Variants in MYO16 observed in about 807,000 individuals in gnomAD.
MYO16 encodes unconventional myosin-XVI.
Under a neutral mutation model 205.3 loss-of-function variants are expected in MYO16, and 94 were observed. The observed-to-expected ratio is 0.46, with a 90% CI of 0.39 to 0.54. The LOEUF is 0.54. Among genes scored for constraint, MYO16 ranks in the 20% least tolerant of loss-of-function variants. The pLI is 0.00. For missense variants in MYO16, 2,315 were observed against 2,387.5 expected (o/e 0.97, Z 0.63); for synonymous variants, 988 against 954.0 (o/e 1.04, Z -0.66).
chr13:108,989,823 C>A (rs1358302447), intron 20 of MYO16, among the ~76,000 whole-genome samples: 3 of 151,696 alleles, frequency 2.0e-5, no homozygotes, highest in Non-Finnish European at 2.9e-5. Context: ...GATTGTATTT[C>A]TTTGTAATTT....
rs1029838973 is a variant in MYO16, at chr13:109,055,881, G to C, written c.3335+286G>C. On this transcript the variant is annotated intron_variant, in intron 27 of 34. Coordinates refer to ENST00000457511, the MANE Select transcript of MYO16 (RefSeq NM_001198950.3). The surrounding 1 kb of genome is among the most constrained non-coding windows in gnomAD (Gnocchi z 5.0). ...TGGATTAAAGTTTTGTAAAATGATTGCATGTGATATTTACTATTTATTATT... is the reference window on the plus strand; with the variant it reads ...TGGATTAAAGTTTTGTAAAATGATTCCATGTGATATTTACTATTTATTATT... 1 of 267,610 alleles carries C rather than the reference G, an allele frequency of 3.7e-6. No individual in the cohort carries two copies. The allele number at this position is 267,610 out of a possible 1,614,324, so 16.6% of individuals were successfully genotyped here.
intron 21 of MYO16, among the ~76,000 whole-genome samples, chr13:109,004,118 A>G (rs1309906234): frequency 6.6e-6 from 1 of 152,168 alleles, no homozygotes; most frequent in Non-Finnish European, 1.5e-5. Flanking sequence ...TTTCTCAGCA[A>G]TTTGTTCCCT....
chr13:108,704,715 T>A (rs1443352037), intron 2 of MYO16, among the ~76,000 whole-genome samples: 1 of 151,950 alleles, frequency 6.6e-6, no homozygotes, highest in East Asian at 1.9e-4. Context: ...TAGTAATAAA[T>A]GCCTATATTT....
intron 27 of MYO16, among the ~76,000 whole-genome samples, chr13:109,091,310 A>G (rs1318473187): frequency 6.6e-6 from 1 of 152,194 alleles, no homozygotes; most frequent in Non-Finnish European, 1.5e-5. Context: ...GAAATATACA[A>G]AAATAAATAT....
At chr13:108,623,568 C>T (rs1288535900) in intron 1 of MYO16, among the ~76,000 whole-genome samples, 6 of 152,148 alleles carry the variant, frequency 3.9e-5, no homozygotes, top group Non-Finnish European at 8.8e-5. Flanking sequence ...AGGGGCTATA[C>T]TCCACTTCAT....
chr13:108,720,741 A>G (rs928286141), intron 3 of MYO16, among the ~76,000 whole-genome samples: 9 of 152,344 alleles, frequency 5.9e-5, no homozygotes, highest in East Asian at 5.8e-4. Flanking sequence ...GGAAGCTTGC[A>G]TTGTAAAACA....
At chr13:108,863,273 T>A (rs887580372) in intron 11 of MYO16, among the ~76,000 whole-genome samples, 3 of 152,098 alleles carry the variant, frequency 2.0e-5, no homozygotes, top group Non-Finnish European at 4.4e-5. Flanking sequence ...CCATTGCCAA[T>A]CCCAGAAAAA....
intron 15 of MYO16, among the ~76,000 whole-genome samples, chr13:108,898,981 T>A (rs1051090348): frequency 6.6e-6 from 1 of 152,210 alleles, no homozygotes; most frequent in Admixed American, 6.5e-5. Flanking sequence ...GAGTTTAATT[T>A]TACTTGGCTT....
intron 25 of MYO16, among the ~76,000 whole-genome samples, chr13:109,052,940 A>G (rs1484127091): frequency 6.6e-6 from 1 of 152,012 alleles, no homozygotes; most frequent in Non-Finnish European, 1.5e-5. Context: ...TAGATGTTTA[A>G]TTTTATTGTA....
chr13:109,205,698 A>C (rs971338347), intron 34 of MYO16, among the ~76,000 whole-genome samples: 24 of 152,172 alleles, frequency 1.6e-4, no homozygotes, highest in African/African-American at 4.1e-4. Context: ...CCCCAGCTAC[A>C]TAGCCAGCTT....
At chr13:108,885,864 G>A (rs1327080321) in intron 13 of MYO16, among the ~76,000 whole-genome samples, 1 of 152,084 alleles carries the variant, frequency 6.6e-6, no homozygotes, top group African/African-American at 2.4e-5. Flanking sequence ...GGCACACAGC[G>A]GCCAGCAAGT....
At chr13:108,717,629 C>CAAAAAAAAA (rs59387181) in intron 3 of MYO16, among the ~76,000 whole-genome samples, 1 of 96,372 alleles carries the variant, frequency 1.0e-5, no homozygotes, top group African/African-American at 4.1e-5. Context: ...GACTCCATCT[C>CAAAAAAAAA]AAAAAAAAAA....
At position 109,147,132 on chromosome 13, in the gene MYO16, A is replaced by G. The variant is rs1877377361; in HGVS notation, c.5164+5756A>G. ...TTCCACCAAGCAATGTGACTCTGCAAATTTCTCCAAGGGAACACTTGCAGA... is the reference window on the plus strand; with the variant it reads ...TTCCACCAAGCAATGTGACTCTGCAGATTTCTCCAAGGGAACACTTGCAGA... On this transcript the variant is annotated intron_variant, in intron 32 of 34. Coordinates refer to ENST00000457511, the MANE Select transcript of MYO16 (RefSeq NM_001198950.3). Among the ~76,000 whole-genome samples, 3 of 152,048 alleles carry G rather than the reference A, an allele frequency of 2.0e-5. No individual in the cohort carries two copies. In the South Asian group the frequency reaches 6.2e-4, roughly 32 times the overall value.
At chr13:109,070,649 C>T (rs989565879) in intron 27 of MYO16, among the ~76,000 whole-genome samples, 2 of 152,064 alleles carry the variant, frequency 1.3e-5, no homozygotes, top group Non-Finnish European at 2.9e-5. Context: ...AAAAAAGCAC[C>T]CTGAGTCATT....
At chr13:108,596,775 T>C (rs1439747649) in intron 1 of MYO16, among the ~76,000 whole-genome samples, 1 of 152,220 alleles carries the variant, frequency 6.6e-6, no homozygotes, top group Non-Finnish European at 1.5e-5. Flanking sequence ...TAATGTACTT[T>C]TGGTAAAAAC....
At chr13:108,712,428 A>T (rs1883757027) in intron 2 of MYO16, among the ~76,000 whole-genome samples, 1 of 152,258 alleles carries the variant, frequency 6.6e-6, no homozygotes, top group Non-Finnish European at 1.5e-5. Flanking sequence ...TCACTTTCTC[A>T]TTCATTTGCA....
chr13:108,621,978 A>C (rs1407904442), intron 1 of MYO16, among the ~76,000 whole-genome samples: 1 of 151,984 alleles, frequency 6.6e-6, no homozygotes, highest in Admixed American at 6.6e-5. Context: ...AGAAAAAAAA[A>C]CAGTGTATAT....
intron 4 of MYO16, among the ~76,000 whole-genome samples, chr13:108,746,979 G>A (rs1472647029): frequency 3.3e-5 from 5 of 152,160 alleles, no homozygotes; most frequent in Non-Finnish European, 7.3e-5. Context: ...TAGAAATTAT[G>A]AAAGCAAGAA....
chr13:108,592,620 G>A (rs1878433844), upstream of MYO16, among the ~76,000 whole-genome samples: 1 of 149,846 alleles, frequency 6.7e-6, no homozygotes, highest in South Asian at 2.1e-4. Context: ...GGTGTGGAGG[G>A]GCTGTGTGTG....
Sources: allele counts gnomAD v4.1 joint callset (sites outside exome capture counted in the v4.1 genomes callset), GRCh38; gene constraint gnomAD v4.1.1; non-coding constraint Gnocchi (gnomAD v3.1); transcripts MANE v1.5; gene names NCBI Gene and HGNC (gene_info 2026-07-23, HGNC 2026-07-21).